Variants in SLC23A2 observed in about 807,000 individuals in gnomAD.
The protein encoded by SLC23A2 is solute carrier family 23 member 2.
A neutral mutation model predicts 73.3 loss-of-function variants in SLC23A2; 36 were observed. That is an observed-to-expected ratio of 0.49 (90% CI 0.38 to 0.65). The LOEUF (loss-of-function observed/expected upper bound fraction) is 0.65. SLC23A2 is among the 30% of genes least tolerant of loss of function. The probability of loss-of-function intolerance (pLI) is 0.00; values close to 1 mark genes in which losing one functional copy is unlikely to be tolerated. For missense variants in SLC23A2, 507 were observed against 841.6 expected, an observed-to-expected ratio of 0.60 and a Z score of 4.92; for synonymous variants, 343 against 327.3, an observed-to-expected ratio of 1.05 and a Z score of -0.52.
chr20:4,919,514 C>T (rs1000254292), intron 3 of SLC23A2, among the ~76,000 whole-genome samples: 3 of 152,224 alleles, frequency 2.0e-5, no homozygotes, highest in African/African-American at 2.4e-5. Context: ...AGAGCTCGGG[C>T]GGGTGATGTG....
intron 9 of SLC23A2, 63 bp from the exon 10 acceptor site, chr20:4,874,759 T>C: frequency 1.4e-6 from 2 of 1,393,066 alleles, no homozygotes; most frequent in Non-Finnish European, 1.9e-6. Flanking sequence ...AAAATAACAC[T>C]CGAAGCTTCT....
chr20:4,994,653 C>T (rs2087987232), intron 1 of SLC23A2, among the ~76,000 whole-genome samples: 1 of 152,036 alleles, frequency 6.6e-6, no homozygotes, highest in Non-Finnish European at 1.5e-5. Context: ...CGTAGCTACT[C>T]AGGAGGCCGA....
At chr20:4,961,298 G>T (rs552317283) in intron 2 of SLC23A2, among the ~76,000 whole-genome samples, 1 of 151,916 alleles carries the variant, frequency 6.6e-6, no homozygotes, top group Non-Finnish European at 1.5e-5. Flanking sequence ...AGCCAGGATG[G>T]TCTCGATCTC....
intron 8 of SLC23A2, 113 bp downstream of exon 8, chr20:4,884,640 T>C (rs187352173): frequency 1.3e-5 from 10 of 751,340 alleles, no homozygotes; most frequent in African/African-American, 8.8e-5. Context: ...CTATCAGTAA[T>C]TGAAAAAGAA....
chr20:4,972,845 A>G (rs1013482727), intron 1 of SLC23A2, among the ~76,000 whole-genome samples: 2 of 151,418 alleles, frequency 1.3e-5, no homozygotes, highest in Non-Finnish European at 2.9e-5. Flanking sequence ...TCGGCTCCCA[A>G]AGTGCTGGGA....
intron 4 of SLC23A2, among the ~76,000 whole-genome samples, chr20:4,907,716 G>GA (rs1483280848): frequency 1.3e-5 from 2 of 151,578 alleles, no homozygotes; most frequent in Admixed American, 6.6e-5. Flanking sequence ...TCAGAACAAG[G>GA]AAAAAAGAAT....
In SLC23A2 at chr20:4,857,088, A is replaced by G; in HGVS notation, c.1837T>C (p.Tyr613His). 6.2e-7 allele frequency: 1 copy of G among 1,613,866 alleles called. No individual in the cohort carries two copies. The highest frequency in any genetic ancestry group is 8.5e-7 in the Non-Finnish European group (1 of 1,179,864). ...ATGGGTAAGTAGCTGAAGCATCTGT[A>G]TTTTTTTATAATGTTCATGCCAAAT... ...LPFGMNIIKK[Y>H]RCFSYLPISP... Residue 613 changes from tyrosine (Y) to histidine (H), a missense_variant, in exon 17 of 17, where the codon TAC becomes CAC. Transcript: ENST00000338244. The surrounding 1 kb of genome is among the most constrained non-coding windows in gnomAD (Gnocchi z 4.0).
At chr20:4,929,121 C>T (rs1290681512) in intron 3 of SLC23A2, among the ~76,000 whole-genome samples, 2 of 151,906 alleles carry the variant, frequency 1.3e-5, no homozygotes, top group Non-Finnish European at 2.9e-5. Context: ...AAAAATGTAG[C>T]CAGGCCCAGT....
intron 2 of SLC23A2, among the ~76,000 whole-genome samples, chr20:4,937,881 C>T (rs117575479): frequency 6.6e-6 from 1 of 152,060 alleles, no homozygotes; most frequent in Non-Finnish European, 1.5e-5. Flanking sequence ...CCTTCAAGCT[C>T]CTTTTCCAGG....
intron 7 of SLC23A2, 139 bp downstream of exon 7, chr20:4,885,682 T>C: frequency 1.5e-6 from 1 of 678,992 alleles, no homozygotes; most frequent in East Asian, 2.8e-5. Flanking sequence ...GATGGAGCAT[T>C]CTAAGCTGTT....
At chr20:4,954,514 T>C (rs1259888999) in intron 2 of SLC23A2, among the ~76,000 whole-genome samples, 1 of 151,970 alleles carries the variant, frequency 6.6e-6, no homozygotes, top group African/African-American at 2.4e-5. Context: ...CTGGCCAACA[T>C]GGTGAAATCC....
At chr20:4,915,418 C>T (rs1932288215) in intron 3 of SLC23A2, among the ~76,000 whole-genome samples, 1 of 152,000 alleles carries the variant, frequency 6.6e-6, no homozygotes, top group Admixed American at 6.6e-5. Flanking sequence ...CCATTTTTGC[C>T]AACTTTTTCC....
At chr20:4,974,011 C>T (rs570687610) in intron 1 of SLC23A2, among the ~76,000 whole-genome samples, 1 of 152,208 alleles carries the variant, frequency 6.6e-6, no homozygotes, top group Admixed American at 6.5e-5. Flanking sequence ...ACATCTACCA[C>T]TGACTCAACA....
intron 3 of SLC23A2, 127 bp from the exon 4 acceptor site, chr20:4,913,105 G>A (rs1252942474): frequency 3.0e-6 from 2 of 676,538 alleles, no homozygotes; most frequent in Non-Finnish European, 5.3e-6. Context: ...CATACTCCAT[G>A]TACCGTATGG....
At chr20:5,001,795 G>C (rs886948614), upstream of SLC23A2, among the ~76,000 whole-genome samples, 12 of 151,926 alleles carry the variant, frequency 7.9e-5, no homozygotes, top group African/African-American at 2.9e-4. Flanking sequence ...GGCAAGCAGA[G>C]CGCTGGTCCC....
At chr20:4,997,672 T>C (rs1035257373) in intron 1 of SLC23A2, among the ~76,000 whole-genome samples, 1 of 152,228 alleles carries the variant, frequency 6.6e-6, no homozygotes, top group African/African-American at 2.4e-5. Flanking sequence ...TCACCCAGGC[T>C]GGTGTGCAGT....
At chr20:5,001,701 C>G (rs925557279), upstream of SLC23A2, among the ~76,000 whole-genome samples, 69 of 151,672 alleles carry the variant, frequency 4.5e-4, no homozygotes, top group African/African-American at 1.6e-3. Context: ...CTTCCCGTTC[C>G]TTTCATTTCC....
At chr20:4,893,122 T>C (rs1395345340) in intron 6 of SLC23A2, among the ~76,000 whole-genome samples, 1 of 151,840 alleles carries the variant, frequency 6.6e-6, no homozygotes. Context: ...TGGAATGCAG[T>C]GGCGTGATCA....
In SLC23A2 at chr20:4,878,289, T is replaced by C. The variant is rs544103781; in HGVS notation, c.825-3593A>G. Among the ~76,000 whole-genome samples the C allele has an allele frequency of 2.6e-5, 4 of 152,152 alleles. No homozygotes were observed. The East Asian group carries it at 7.7e-4, about 29-fold the overall frequency. On this transcript the variant is annotated intron_variant, in intron 9 of 16. Coordinates refer to ENST00000338244, the MANE Select transcript of SLC23A2 (RefSeq NM_005116.6). ...GCAACCTCCACCTCGTGGGTTCAAG[T>C]GATTCATGTGCCTCAGCTTCCTGAG...
Sources: gnomAD v4.1 joint callset for allele counts (sites outside exome capture counted in the v4.1 genomes callset) on GRCh38, gnomAD v4.1.1 for gene constraint, Gnocchi (gnomAD v3.1) non-coding constraint, MANE v1.5 for transcripts, NCBI Gene and HGNC (gene_info 2026-07-23, HGNC 2026-07-21) for gene names.